The following SCAND3 variants were observed in gnomAD, a reference collection of about 807,000 sequenced individuals.
The protein encoded by SCAND3 is SCAN domain-containing protein 3.
the SCAND3 span, chr6:28,574,898 A>G: frequency 6.2e-7 from 1 of 1,614,034 alleles, no homozygotes; most frequent in Non-Finnish European, 8.5e-7. Flanking sequence ...CAAACTACAC[A>G]GGATAAAAAT....
the SCAND3 span, among the ~76,000 whole-genome samples, chr6:28,605,452 GAT>G: frequency 2.0e-5 from 3 of 152,192 alleles, no homozygotes; most frequent in East Asian, 5.8e-4. Flanking sequence ...AAGCACGCAA[GAT>G]TATCTATTTA....
At chr6:28,575,673 C>T in the SCAND3 span, 2 of 1,614,150 alleles carry the variant, frequency 1.2e-6, no homozygotes, top group Non-Finnish European at 1.7e-6. This position sits in a 1 kb window ranked among gnomAD's most constrained non-coding sequence, Gnocchi z 4.2. Context: ...GGGTCAGATA[C>T]AGCATTATAA....
At chr6:28,600,501 T>G in the SCAND3 span, among the ~76,000 whole-genome samples, 17 of 152,108 alleles carry the variant, frequency 1.1e-4, no homozygotes, top group Non-Finnish European at 1.5e-5. Context: ...GGCATGGTGG[T>G]GCGTGACTGT....
At chr6:28,607,453 T>A in the SCAND3 span, among the ~76,000 whole-genome samples, 14 of 152,252 alleles carry the variant, frequency 9.2e-5, no homozygotes, top group Non-Finnish European at 2.1e-4. Context: ...TTGGATTTCA[T>A]GCTATGGTAT....
chr6:28,574,527 A>G, the SCAND3 span: 1 of 880,264 alleles, frequency 1.1e-6, no homozygotes, highest in Non-Finnish European at 1.8e-6. Context: ...TTTGGGGGAA[A>G]TATATCCAAG....
the SCAND3 span, among the ~76,000 whole-genome samples, chr6:28,608,707 A>G: frequency 3.9e-5 from 6 of 152,312 alleles, no homozygotes; most frequent in South Asian, 1.2e-3. Context: ...ATGTTAATAG[A>G]TGTTTATGAG....
the SCAND3 span, among the ~76,000 whole-genome samples, chr6:28,610,227 A>T: frequency 4.6e-5 from 7 of 152,160 alleles, no homozygotes; most frequent in African/African-American, 4.8e-5. Flanking sequence ...ATAGTAAATT[A>T]AAAAACACAA....
the SCAND3 span, among the ~76,000 whole-genome samples, chr6:28,595,866 C>A: frequency 2.0e-5 from 3 of 152,226 alleles, no homozygotes; most frequent in South Asian, 6.2e-4. Flanking sequence ...CCATCCCCCA[C>A]TGCCCCGCCA....
chr6:28,598,908 A>G, the SCAND3 span, among the ~76,000 whole-genome samples: 1 of 150,398 alleles, frequency 6.6e-6, no homozygotes, highest in South Asian at 2.1e-4. Flanking sequence ...AAAAGAAAAA[A>G]AGTAATTATA....
chr6:28,613,404 T>G, the SCAND3 span, among the ~76,000 whole-genome samples: 1 of 152,228 alleles, frequency 6.6e-6, no homozygotes, highest in Non-Finnish European at 1.5e-5. Flanking sequence ...TCTAAATAGC[T>G]GAAAAGACTA....
At chr6:28,615,365 G>A in the SCAND3 span, among the ~76,000 whole-genome samples, 1 of 152,162 alleles carries the variant, frequency 6.6e-6, no homozygotes, top group African/African-American at 2.4e-5. Context: ...TGTAATCCCA[G>A]CACTTTGAGA....
At chr6:28,615,841 T>C in the SCAND3 span, among the ~76,000 whole-genome samples, 2,702 of 152,284 alleles carry the variant, frequency 0.018, 74 homozygotes, top group African/African-American at 0.054. Context: ...AACATCTCCA[T>C]TTCAAAAAGT....
the SCAND3 span, chr6:28,579,544 C>A: frequency 1.2e-6 from 1 of 856,380 alleles, no homozygotes; most frequent in Non-Finnish European, 1.8e-6. This position sits in a 1 kb window ranked among gnomAD's most constrained non-coding sequence, Gnocchi z 4.5. Context: ...TTCTTAAGTA[C>A]AAGATAAAAC....
chr6:28,573,068 T>A, the SCAND3 span: 5 of 1,610,300 alleles, frequency 3.1e-6, no homozygotes, highest in Non-Finnish European at 4.2e-6. Flanking sequence ...GAGCTAGTTG[T>A]GTTTGTAGGC....
At chr6:28,572,808 A>T in the SCAND3 span, 359 of 1,612,458 alleles carry the variant, frequency 2.2e-4, no homozygotes, top group Admixed American at 1.3e-3. This position sits in a 1 kb window ranked among gnomAD's most constrained non-coding sequence, Gnocchi z 4.1. Flanking sequence ...ATTTTATATA[A>T]TTCACAATTT....
chr6:28,579,750 T>C, the SCAND3 span, among the ~76,000 whole-genome samples: 9 of 152,294 alleles, frequency 5.9e-5, 1 homozygote, highest in Admixed American at 5.9e-4. This position sits in a 1 kb window ranked among gnomAD's most constrained non-coding sequence, Gnocchi z 4.5. Context: ...TGTGGTTAAT[T>C]AAAAGTAAAT....
the SCAND3 span, chr6:28,587,399 G>T: frequency 6.6e-6 from 1 of 152,238 alleles, no homozygotes; most frequent in African/African-American, 2.4e-5. Flanking sequence ...AAACACCTAC[G>T]GTACCAGTAA....
At chr6:28,595,195 CAAAAAAA>C in the SCAND3 span, among the ~76,000 whole-genome samples, 7 of 16,116 alleles carry the variant, frequency 4.3e-4, no homozygotes, top group Non-Finnish European at 9.3e-4. Context: ...CCGTCACTAC[CAAAAAAA>C]AAAAAAAAAA....
the SCAND3 span, chr6:28,575,312 G>T: frequency 0.06 from 96,221 of 1,613,906 alleles, 3,249 homozygotes; most frequent in African/African-American, 0.077. This position sits in a 1 kb window ranked among gnomAD's most constrained non-coding sequence, Gnocchi z 4.2. Flanking sequence ...TGGCAGGTCT[G>T]AGACTTCCCA....
Sources: gnomAD v4.1 joint callset for allele counts (sites outside exome capture counted in the v4.1 genomes callset) on GRCh38, gnomAD v4.1.1 for gene constraint, Gnocchi (gnomAD v3.1) non-coding constraint, MANE v1.5 for transcripts, NCBI Gene and HGNC (gene_info 2026-07-23, HGNC 2026-07-21) for gene names.